The following E2F2 variants were observed in gnomAD, a reference collection of about 807,000 sequenced individuals.
E2F2 encodes the protein E2F transcription factor 2.
A neutral mutation model predicts 42.2 loss-of-function variants in E2F2; 22 were observed. The ratio of observed to expected loss-of-function variants is 0.52; its 90% CI spans 0.37 to 0.74. The LOEUF (loss-of-function observed/expected upper bound fraction) is 0.74, where lower values mean the gene tolerates loss of function less well. Among genes scored for constraint, E2F2 ranks in the 30% least tolerant of loss-of-function variants. The pLI is 0.00. For synonymous variants in E2F2, 248 were observed against 251.6 expected, an observed-to-expected ratio of 0.99 and a Z score of 0.13; for missense variants, 481 against 557.8, an observed-to-expected ratio of 0.86 and a Z score of 1.39.
chr1:23,522,803 G>A (rs3218161), intron 2 of E2F2, among the ~76,000 whole-genome samples: 3,856 of 152,202 alleles, frequency 0.025, 160 homozygotes, highest in African/African-American at 0.086. Context: ...CTTAAACCAC[G>A]AGGGGACTTT....
In E2F2 at chr1:23,530,675, G is replaced by C. The variant is rs751759955; in HGVS notation, c.119C>G (p.Ala40Gly). Residue 40 changes from alanine to glycine, a missense_variant, in exon 1 of 7, where the codon GCT becomes GGT. By Grantham distance (60) the Ala-to-Gly change is moderately conservative (BLOSUM62 0). Coordinates refer to ENST00000361729, the MANE Select transcript of E2F2 (RefSeq NM_004091.4). This position sits in a 1 kb window ranked among gnomAD's most constrained non-coding sequence, Gnocchi z 4.4. ...SGLSSPQLCP[A>G]TATYYTPLYP... ...CAGCGGTGTGTAGTAGGTAGCAGTA[G>C]CTGGGCAGAGCTGGGGGCTGCTGAG... 1 of 1,612,976 alleles carries C rather than the reference G, an allele frequency of 6.2e-7. No homozygotes were observed. Among genetic ancestry groups the C allele is most frequent in the African/African-American group, 1.3e-5 (1 of 75,056 alleles).
intron 4 of E2F2, 46 bp from the exon 5 acceptor site, chr1:23,519,176 A>G (rs1643088601): frequency 6.8e-7 from 1 of 1,473,928 alleles, no homozygotes; most frequent in African/African-American, 1.4e-5. Flanking sequence ...TCAAAATTCA[A>G]ACCCCAAACC....
In E2F2 at chr1:23,509,537, G is replaced by A. The variant is rs372038151; in HGVS notation, c.*343C>T. 3.1e-5 allele frequency: 7 copies of A among 225,952 alleles called. No individual in the cohort carries two copies. Among genetic ancestry groups the A allele is most frequent in the African/African-American group, 1.4e-4 (6 of 44,382 alleles). 14.0% of individuals were successfully genotyped at this position (225,952 alleles called of 1,614,324 possible). On this transcript the variant is annotated 3_prime_UTR_variant, in exon 7 of 7. Coordinates refer to ENST00000361729, the MANE Select transcript of E2F2 (RefSeq NM_004091.4). ...GGCATTATGTGCTTCTTGGTACGTC[G>A]AGGGTCCTAATTACCCCTCAAAAGG...
chr1:23,522,083 G>C (rs1368355597), intron 2 of E2F2, 27 bp from the exon 3 acceptor site: 1 of 1,609,012 alleles, frequency 6.2e-7, no homozygotes, highest in East Asian at 2.2e-5. Context: ...CCCAGTCACA[G>C]CTCAGGGAGG....
intron 1 of E2F2, among the ~76,000 whole-genome samples, chr1:23,527,415 T>G (rs1170266616): frequency 6.6e-6 from 1 of 152,236 alleles, no homozygotes; most frequent in Non-Finnish European, 1.5e-5. Flanking sequence ...GCAGCCCCTT[T>G]GGCTGGATCT....
At chr1:23,511,476 TCCTCCTG>T (rs143622076) in intron 6 of E2F2, among the ~76,000 whole-genome samples, 3,764 of 152,120 alleles carry the variant, frequency 0.025, 158 homozygotes, top group African/African-American at 0.084. Context: ...GCTCGAGCAA[TCCTCCTG>T]CCTCAGCCTC....
chr1:23,512,888 C>A (rs1199759479), intron 6 of E2F2, among the ~76,000 whole-genome samples: 1 of 151,700 alleles, frequency 6.6e-6, no homozygotes, highest in Non-Finnish European at 1.5e-5. Flanking sequence ...TCTCAGCTCA[C>A]TGCAACGTCT....
At position 23,530,353 on chromosome 1, in the gene E2F2, A is replaced by G. The variant is rs1272090745; in HGVS notation, c.252+189T>C. 6.6e-6 allele frequency among the ~76,000 whole-genome samples: 1 copy of G among 152,212 alleles called. No individual in the cohort carries two copies. Among genetic ancestry groups the G allele is most frequent in the African/African-American group, 2.4e-5 (1 of 41,458 alleles). On this transcript the variant is annotated intron_variant, in intron 1 of 6. Coordinates refer to ENST00000361729, the MANE Select transcript of E2F2 (RefSeq NM_004091.4). The surrounding 1 kb of genome is among the most constrained non-coding windows in gnomAD (Gnocchi z 4.4). The stretch of plus-strand genomic sequence containing the variant: ...CCACTAGAATGGATGAGATTATTTC[A>G]TCCAAAGTCTGAAAATGAAGGGGTC...
At chr1:23,520,348 GAAC>G (rs1479860803) in intron 4 of E2F2, among the ~76,000 whole-genome samples, 2 of 145,928 alleles carry the variant, frequency 1.4e-5, no homozygotes, top group African/African-American at 5.3e-5. Flanking sequence ...TGCAGTTCAA[GAAC>G]AATGGCTATG....
chr1:23,515,405 G>A (rs532219637), intron 6 of E2F2, among the ~76,000 whole-genome samples: 1 of 152,172 alleles, frequency 6.6e-6, no homozygotes, highest in South Asian at 2.1e-4. Context: ...CCCCTTCTTC[G>A]ATTTGATCTA....
In E2F2 at chr1:23,509,961, G is replaced by A. The variant is rs1192093324; in HGVS notation, c.1233C>T (p.Asp411=). ...CACCCGCCTCCAAGCCCCACAGGTA[G>A]TCGTCCTGGTCCAAGGATGGGGAGA... ...ISFSPSLDQD[D]YLWGLEAGEG... The change falls in exon 7 of 7, where the codon GAC becomes GAT. Residue 411 remains aspartate, a synonymous_variant. Transcript: ENST00000361729. 1 of 1,612,210 alleles carries A rather than the reference G, an allele frequency of 6.2e-7. No homozygotes were observed. Among genetic ancestry groups the A allele is most frequent in the African/African-American group, 1.3e-5 (1 of 74,986 alleles).
At chr1:23,513,590 G>C (rs1642956667) in intron 6 of E2F2, among the ~76,000 whole-genome samples, 1 of 151,446 alleles carries the variant, frequency 6.6e-6, no homozygotes, top group Non-Finnish European at 1.5e-5. Flanking sequence ...GTGTGTGTGT[G>C]TGTGTGTGTG....
At chr1:23,519,994 C>G (rs887695751) in intron 4 of E2F2, among the ~76,000 whole-genome samples, 1 of 151,118 alleles carries the variant, frequency 6.6e-6, no homozygotes, top group Admixed American at 6.6e-5. Flanking sequence ...AGGAGAATCG[C>G]TTGAACCCAG....
chr1:23,513,124 T>TG (rs1036448440), intron 6 of E2F2, among the ~76,000 whole-genome samples: 31 of 151,192 alleles, frequency 2.1e-4, no homozygotes, highest in Non-Finnish European at 4.1e-4. Flanking sequence ...ATAAGTTTTT[T>TG]TTTTTTTTTT....
downstream of E2F2, among the ~76,000 whole-genome samples, chr1:23,505,396 G>T (rs1642778236): frequency 6.6e-6 from 1 of 152,326 alleles, no homozygotes; most frequent in Non-Finnish European, 1.5e-5. Flanking sequence ...TCTCTCTGGG[G>T]CAGCAGAAGG....
intron 2 of E2F2, among the ~76,000 whole-genome samples, chr1:23,523,199 G>T (rs1215681289): frequency 6.6e-6 from 1 of 151,288 alleles, no homozygotes; most frequent in Non-Finnish European, 1.5e-5. Context: ...TCTCTCCCAG[G>T]CTGGAGTGGA....
Sources: gnomAD v4.1 joint callset for allele counts (sites outside exome capture counted in the v4.1 genomes callset) on GRCh38, gnomAD v4.1.1 for gene constraint, Gnocchi (gnomAD v3.1) non-coding constraint, MANE v1.5 for transcripts, NCBI Gene and HGNC (gene_info 2026-07-23, HGNC 2026-07-21) for gene names.